Variants in HEATR4 observed in about 807,000 individuals in gnomAD.
HEATR4 encodes the protein HEAT repeat-containing protein 4.
In HEATR4, 95 loss-of-function variants were observed where a neutral mutation model predicts 108.8. That is an observed-to-expected ratio of 0.87 (90% CI 0.74 to 1.04). The LOEUF is 1.04. Among genes scored for constraint, HEATR4 ranks in the 50% least tolerant of loss-of-function variants. The probability of loss-of-function intolerance (pLI) is 0.00; values close to 1 mark genes in which losing one functional copy is unlikely to be tolerated. For synonymous variants in HEATR4, 443 were observed against 459.4 expected (o/e 0.96, Z 0.46); for missense variants, 1,152 against 1,253.8 (o/e 0.92, Z 1.23).
intron 5 of HEATR4, among the ~76,000 whole-genome samples, chr14:73,517,817 G>C (rs181720561): frequency 1.3e-5 from 2 of 151,808 alleles, no homozygotes; most frequent in South Asian, 2.1e-4. Flanking sequence ...GGCTGGACAC[G>C]GTGGCTCACG....
chr14:73,500,769 C>T (rs1277878779), intron 11 of HEATR4, 39 bp from the exon 12 acceptor site: 1 of 1,587,746 alleles, frequency 6.3e-7, no homozygotes, highest in Non-Finnish European at 8.6e-7. Flanking sequence ...CCTCCTTAAA[C>T]TTTCAGTACC....
intron 9 of HEATR4, among the ~76,000 whole-genome samples, chr14:73,506,804 G>GTTTTTTTTTTTTTTTTGT (rs1886869550): frequency 1.2e-5 from 1 of 80,522 alleles, no homozygotes; most frequent in Non-Finnish European, 2.2e-5. Flanking sequence ...GACTTTAACT[G>GTTTTTTTTTTTTTTTTGT]TTTTTTTTTT....
At chr14:73,523,466 G>A (rs1888100773) in intron 2 of HEATR4, among the ~76,000 whole-genome samples, 1 of 152,230 alleles carries the variant, frequency 6.6e-6, no homozygotes, top group Non-Finnish European at 1.5e-5. Context: ...TGTGAGGGAT[G>A]ACTGCTTTTC....
the HEATR4 span, among the ~76,000 whole-genome samples, chr14:73,583,568 C>G: frequency 2.0e-5 from 3 of 152,130 alleles, no homozygotes; most frequent in East Asian, 3.9e-4. Flanking sequence ...CACGTTGCCT[C>G]TCTAAACTGA....
the HEATR4 span, chr14:73,567,778 A>G: frequency 6.6e-6 from 1 of 152,084 alleles, no homozygotes; most frequent in Non-Finnish European, 1.5e-5. Context: ...CCATGAACCC[A>G]CTGAGAGGAA....
At chr14:73,532,646 C>G (rs1595149744) in intron 1 of HEATR4, among the ~76,000 whole-genome samples, 1 of 115,256 alleles carries the variant, frequency 8.7e-6, no homozygotes, top group Non-Finnish European at 1.9e-5. Flanking sequence ...CGAGAGGGTA[C>G]GTTTTTGGTA....
chr14:73,579,573 CAAAAAA>C, the HEATR4 span, among the ~76,000 whole-genome samples: 3 of 56,216 alleles, frequency 5.3e-5, no homozygotes, highest in African/African-American at 2.3e-4. Context: ...AAAGCCGTCT[CAAAAAA>C]AAAAAAAAAA....
chr14:73,565,770 T>TGTTA, the HEATR4 span, among the ~76,000 whole-genome samples: 1 of 151,694 alleles, frequency 6.6e-6, no homozygotes, highest in African/African-American at 2.4e-5. Flanking sequence ...TGGTGGTGAG[T>TGTTA]GTTAGAGCTC....
At position 73,512,118 on chromosome 14, in the gene HEATR4, G is replaced by T; in HGVS notation, c.1446C>A (p.Asn482Lys). 1 of 1,614,152 alleles carries T rather than the reference G, an allele frequency of 6.2e-7. No homozygotes were observed. The highest frequency in any genetic ancestry group is 8.5e-7 in the Non-Finnish European group (1 of 1,180,030). ...GCAGGTCTCCCAAGCTCTGAAGCAG[G>T]TTCTCTACTGTCTCATGGTGCCACT... ...IIEWHHETVE[N>K]LLQSLGDLHD... is the part of the protein sequence containing the mutation. Residue 482 changes from asparagine (N) to lysine (K), a missense_variant, in exon 7 of 18, where the codon AAC (asparagine) becomes AAA (lysine). Asn to Lys is a moderately conservative substitution (Grantham distance 94). Coordinates refer to ENST00000553558, the MANE Select transcript of HEATR4 (RefSeq NM_001220484.1).
rs1212349068 is a variant in HEATR4 at position 73,527,488 on chromosome 14, T to A, written c.-73+2678A>T. The A allele has an allele frequency of 2.6e-5, 4 of 151,918 alleles. No homozygotes were observed. The East Asian group carries it at 7.7e-4, about 29-fold the overall frequency. The allele number at this position is 151,918 out of a possible 1,614,324, so 9.4% of individuals were successfully genotyped here. A position where few individuals can be genotyped will look rare whatever the true frequency, so the allele number is the denominator to read the frequency against. ...CAAAAATCAAGCAGAAAGGCTGCTC[T>A]GCCTATGGAGTAGCCATTCTTTTGT... is the stretch of plus-strand genomic sequence containing the variant. On this transcript the variant is annotated intron_variant, in intron 2 of 17. Transcript: ENST00000553558.
chr14:73,547,731 T>C lies in HEATR4; in HGVS notation c.-152+11020A>G, dbSNP rs1167631639. On this transcript the variant is annotated intron_variant, in intron 1 of 17. Transcript: ENST00000553558. ...AAAACTCCATCTCTACCAAAAAATA[T>C]AAAAATTTGCCAGGGGTGGTGGTGT... Among the ~76,000 whole-genome samples the C allele has an allele frequency of 1.8e-5, 2 of 112,778 alleles. 1 individual carries two copies. Among genetic ancestry groups the C allele is most frequent in the Non-Finnish European group, 3.9e-5 (2 of 51,916 alleles). 74.0% of individuals were successfully genotyped at this position (112,778 alleles called of 152,430 possible). A position where few individuals can be genotyped will look rare whatever the true frequency, so the allele number is the denominator to read the frequency against.
chr14:73,498,137 C>T lies in HEATR4; in HGVS notation c.2546+18G>A, dbSNP rs1886211201. 1 of 1,591,062 alleles carries T rather than the reference C, an allele frequency of 6.3e-7. No individual in the cohort carries two copies. The highest frequency in any genetic ancestry group is 1.3e-5 in the African/African-American group (1 of 74,450). On this transcript the variant is annotated intron_variant, in intron 14 of 17. Coordinates refer to ENST00000553558, the MANE Select transcript of HEATR4 (RefSeq NM_001220484.1). ...GGCAGTATAAGGTCATGGTGGGAGC[C>T]AGAGGTTTAGTGCTTACTTTAGAAC...
chr14:73,616,751 C>T, the HEATR4 span: 13 of 349,346 alleles, frequency 3.7e-5, no homozygotes, highest in Non-Finnish European at 6.6e-5. Flanking sequence ...TGGGGTTACA[C>T]GGATGAACTG....
At chr14:73,592,641 T>C in the HEATR4 span, among the ~76,000 whole-genome samples, 1 of 152,124 alleles carries the variant, frequency 6.6e-6, no homozygotes, top group Non-Finnish European at 1.5e-5. Context: ...TCACTTGAGA[T>C]CAGGAGTTTG....
intron 4 of HEATR4, among the ~76,000 whole-genome samples, chr14:73,519,542 G>C (rs1055593360): frequency 2.0e-5 from 3 of 151,902 alleles, no homozygotes; most frequent in African/African-American, 4.8e-5. Flanking sequence ...TCAGGAGTTC[G>C]AGACCAGCCT....
At chr14:73,595,543 T>C in the HEATR4 span, 5 of 1,609,168 alleles carry the variant, frequency 3.1e-6, no homozygotes, top group Non-Finnish European at 4.3e-6. Flanking sequence ...TTATATGGGG[T>C]GGGGAGCCCA....
rs11410201 is a variant in HEATR4, at chr14:73,492,999, CT to C, written c.2844+66del. ...AGTGATTCTCCGCTGCCACTGCTAC[CT>C]TTTTTTTTTTTTTTTCCTTAAACTC... On this transcript the variant is annotated intron_variant, in intron 17 of 17. Coordinates refer to ENST00000553558, the MANE Select transcript of HEATR4 (RefSeq NM_001220484.1). This position sits in a 1 kb window ranked among gnomAD's most constrained non-coding sequence, Gnocchi z 4.9. The C allele has an allele frequency of 0.033, 46,484 of 1,418,754 alleles. 2 individuals carry two copies. Among genetic ancestry groups the C allele is most frequent in the South Asian group, 0.038 (2,803 of 74,568 alleles). 87.9% of individuals were successfully genotyped at this position (1,418,754 alleles called of 1,614,324 possible). A position where few individuals can be genotyped will look rare whatever the true frequency, so the allele number is the denominator to read the frequency against.
At chr14:73,577,993 G>A in the HEATR4 span, among the ~76,000 whole-genome samples, 7 of 151,938 alleles carry the variant, frequency 4.6e-5, no homozygotes, top group African/African-American at 1.7e-4. Flanking sequence ...TGGGAATACA[G>A]GCACCCGCCA....
At chr14:73,504,236 C>G (rs968252628) in intron 10 of HEATR4, among the ~76,000 whole-genome samples, 1 of 150,268 alleles carries the variant, frequency 6.7e-6, no homozygotes, top group Non-Finnish European at 1.5e-5. Flanking sequence ...TGCCACCAAG[C>G]CTGGCTAATT....
Sources: allele counts gnomAD v4.1 joint callset (sites outside exome capture counted in the v4.1 genomes callset), GRCh38; gene constraint gnomAD v4.1.1; non-coding constraint Gnocchi (gnomAD v3.1); transcripts MANE v1.5; gene names NCBI Gene and HGNC (gene_info 2026-07-23, HGNC 2026-07-21).